Variants in RAB28 observed in about 807,000 individuals in gnomAD.
RAB28 encodes the protein ras-related protein Rab-28.
Under a neutral mutation model 31.7 loss-of-function variants are expected in RAB28, and 24 were observed. The observed-to-expected ratio is 0.76, with a 90% CI of 0.55 to 1.06. The LOEUF is 1.06. RAB28 is among the 50% of genes least tolerant of loss of function. The pLI is 0.00. For missense variants in RAB28, 254 were observed against 258.5 expected, an observed-to-expected ratio of 0.98 and a Z score of 0.12; for synonymous variants, 100 against 90.4, an observed-to-expected ratio of 1.11 and a Z score of -0.60.
At chr4:13,408,223 G>C (rs558019416) in intron 4 of RAB28, among the ~76,000 whole-genome samples, 17 of 152,246 alleles carry the variant, frequency 1.1e-4, no homozygotes, top group South Asian at 6.2e-4. Flanking sequence ...TAGCACTAAG[G>C]GTTGTTGAAT....
At chr4:13,477,813 A>G (rs1407675622) in intron 2 of RAB28, among the ~76,000 whole-genome samples, 1 of 151,560 alleles carries the variant, frequency 6.6e-6, no homozygotes, top group African/African-American at 2.4e-5. Flanking sequence ...AGAATATCAA[A>G]TATTTTTTAC....
intron 4 of RAB28, among the ~76,000 whole-genome samples, chr4:13,405,845 T>C (rs1278798456): frequency 2.0e-5 from 3 of 152,202 alleles, no homozygotes; most frequent in Admixed American, 6.5e-5. Flanking sequence ...CTGAGATCTA[T>C]TATTCATTTA....
At chr4:13,481,108 A>G (rs967844000) in intron 1 of RAB28, among the ~76,000 whole-genome samples, 1 of 152,062 alleles carries the variant, frequency 6.6e-6, no homozygotes, top group African/African-American at 2.4e-5. Context: ...AAAGAATCTC[A>G]GAGTTCAATA....
chr4:13,384,340 C>T (rs891579158), intron 4 of RAB28, among the ~76,000 whole-genome samples: 1 of 152,188 alleles, frequency 6.6e-6, no homozygotes, highest in Non-Finnish European at 1.5e-5. Flanking sequence ...CCTGCTAGCA[C>T]CCTGCTGCAG....
intron 4 of RAB28, among the ~76,000 whole-genome samples, chr4:13,457,548 G>A (rs114340855): frequency 0.013 from 1,932 of 150,280 alleles, 10 homozygotes; most frequent in Non-Finnish European, 0.022. Context: ...ATCTCATACT[G>A]AAAGAGTGTA....
chr4:13,436,279 C>G (rs1339225940), intron 4 of RAB28, among the ~76,000 whole-genome samples: 1 of 152,048 alleles, frequency 6.6e-6, no homozygotes, highest in South Asian at 2.1e-4. Flanking sequence ...GGAAGCAATC[C>G]CCGTAAGAAC....
chr4:13,437,024 T>C (rs750083533), intron 4 of RAB28, among the ~76,000 whole-genome samples: 5 of 152,008 alleles, frequency 3.3e-5, no homozygotes, highest in South Asian at 4.2e-4. Flanking sequence ...CATAGACCAA[T>C]TGAACAAAAT....
At chr4:13,460,410 C>A (rs1560141200) in intron 4 of RAB28, among the ~76,000 whole-genome samples, 1 of 152,124 alleles carries the variant, frequency 6.6e-6, no homozygotes, top group Non-Finnish European at 1.5e-5. Context: ...AGACAAGGGT[C>A]TCACTATGTT....
At chr4:13,459,484 G>A (rs936763563) in intron 4 of RAB28, among the ~76,000 whole-genome samples, 1 of 152,124 alleles carries the variant, frequency 6.6e-6, no homozygotes, top group Non-Finnish European at 1.5e-5. Flanking sequence ...AACAACACAT[G>A]ACTATATTTG....
intron 4 of RAB28, among the ~76,000 whole-genome samples, chr4:13,383,193 C>G (rs1272368215): frequency 2.0e-5 from 3 of 152,236 alleles, no homozygotes; most frequent in South Asian, 2.1e-4. Flanking sequence ...TTGGAGCTAA[C>G]TTTTCTAATT....
chr4:13,474,494 A>C (rs1716261573), intron 2 of RAB28, 88 bp from the exon 3 acceptor site: 1 of 738,488 alleles, frequency 1.4e-6, no homozygotes, highest in South Asian at 2.1e-5. Flanking sequence ...CAGAATACTA[A>C]GTCACAATAA....
chr4:13,386,892 T>C (rs116189086), intron 4 of RAB28, among the ~76,000 whole-genome samples: 2,709 of 152,248 alleles, frequency 0.018, 87 homozygotes, highest in African/African-American at 0.061. Context: ...GCAGTACATA[T>C]GCACCATAGA....
rs566072350 is a variant in RAB28 at position 13,441,297 on chromosome 4, C to T, written c.391+19402G>A. Among the ~76,000 whole-genome samples the T allele has an allele frequency of 3.3e-5, 5 of 152,212 alleles. No individual in the cohort carries two copies. In the South Asian group the frequency reaches 1.0e-3, roughly 32 times the overall value. On this transcript the variant is annotated intron_variant, in intron 4 of 6. Coordinates refer to ENST00000330852, the MANE Select transcript of RAB28 (RefSeq NM_001017979.3). The stretch of plus-strand genomic sequence containing the variant: ...TTTAATACATATATTCAATCATACA[C>T]AAAGTTGAAAGCATCCTAAAGAATC...
At chr4:13,460,562 A>G in intron 4 of RAB28, 137 bp downstream of exon 4, 2 of 1,118,878 alleles carry the variant, frequency 1.8e-6, no homozygotes, top group Non-Finnish European at 2.6e-6. Context: ...ATTACCTCCC[A>G]AAACCCCACC....
At position 13,376,704 on chromosome 4, in the gene RAB28, G is replaced by A. The variant is rs1057119339; in HGVS notation, c.496-82C>T. 5 of 901,980 alleles carry A rather than the reference G, an allele frequency of 5.5e-6. No individual in the cohort carries two copies. In the South Asian group the frequency reaches 1.0e-4, roughly 19 times the overall value. 55.9% of individuals were successfully genotyped at this position (901,980 alleles called of 1,614,324 possible). A position where few individuals can be genotyped will look rare whatever the true frequency, so the allele number is the denominator to read the frequency against. On this transcript the variant is annotated intron_variant, in intron 5 of 6. Coordinates refer to ENST00000330852, the MANE Select transcript of RAB28 (RefSeq NM_001017979.3). ...AAATAAACAGAATTTTCTTAAAAATGATAAACAGCAATAATTGCAAAAATA... is the reference window on the plus strand; with the variant it reads ...AAATAAACAGAATTTTCTTAAAAATAATAAACAGCAATAATTGCAAAAATA...
At chr4:13,436,655 T>C (rs1714128456) in intron 4 of RAB28, among the ~76,000 whole-genome samples, 1 of 151,954 alleles carries the variant, frequency 6.6e-6, no homozygotes. Flanking sequence ...ACAAAGTAGG[T>C]GAAAGATCTC....
At chr4:13,477,248 T>C (rs367725548) in intron 2 of RAB28, among the ~76,000 whole-genome samples, 1 of 151,568 alleles carries the variant, frequency 6.6e-6, no homozygotes, top group East Asian at 1.9e-4. Context: ...TCATGAAATA[T>C]ACTAAAATGG....
At chr4:13,422,494 A>G (rs1246513683) in intron 4 of RAB28, among the ~76,000 whole-genome samples, 1 of 152,250 alleles carries the variant, frequency 6.6e-6, no homozygotes, top group Non-Finnish European at 1.5e-5. Context: ...ACTTGGAACC[A>G]ACCCAAATGT....
At position 13,432,571 on chromosome 4, in the gene RAB28, C is replaced by T. The variant is rs1036749429; in HGVS notation, c.391+28128G>A. Among the ~76,000 whole-genome samples, 75 of 152,144 alleles carry T rather than the reference C, an allele frequency of 4.9e-4. 2 individuals carry two copies. The highest frequency in any genetic ancestry group is 1.7e-3 in the African/African-American group (72 of 41,504). On this transcript the variant is annotated intron_variant, in intron 4 of 6. Transcript: ENST00000330852. ...GGTCAAATTACATAATAAGGGAATT[C>T]CATCAGACTAACAGTGAACTTCTCA...
Sources: allele counts gnomAD v4.1 joint callset (sites outside exome capture counted in the v4.1 genomes callset), GRCh38; gene constraint gnomAD v4.1.1; transcripts MANE v1.5; gene names NCBI Gene and HGNC (gene_info 2026-07-23, HGNC 2026-07-21).